The following VPS41 variants were observed in gnomAD, a reference collection of about 807,000 sequenced individuals.
The protein encoded by VPS41 is VPS41 subunit of HOPS complex.
In VPS41, 85 loss-of-function variants were observed where a neutral mutation model predicts 130.9. The ratio of observed to expected loss-of-function variants is 0.65; its 90% CI spans 0.55 to 0.78. The LOEUF (loss-of-function observed/expected upper bound fraction) is 0.78, where lower values mean the gene tolerates loss of function less well. Ranked by LOEUF, VPS41 falls within the 30% of genes least tolerant of loss-of-function variation. VPS41 has a pLI of 0.00. For missense variants in VPS41, 874 were observed against 1,018.7 expected, an observed-to-expected ratio of 0.86 and a Z score of 1.93; for synonymous variants, 335 against 332.9, an observed-to-expected ratio of 1.01 and a Z score of -0.07.
At chr7:38,788,230 A>G (rs757991559) in intron 10 of VPS41, among the ~76,000 whole-genome samples, 26 of 152,196 alleles carry the variant, frequency 1.7e-4, no homozygotes, top group Non-Finnish European at 2.8e-4. Flanking sequence ...TAACCTCATC[A>G]AGATCACACA....
intron 6 of VPS41, among the ~76,000 whole-genome samples, chr7:38,819,409 A>C (rs1397091935): frequency 6.7e-6 from 1 of 148,404 alleles, no homozygotes; most frequent in African/African-American, 2.5e-5. Flanking sequence ...GTCGGCAAAA[A>C]CCTTCCCAGG....
At chr7:38,804,104 C>T (rs1342408406) in intron 7 of VPS41, among the ~76,000 whole-genome samples, 1 of 152,164 alleles carries the variant, frequency 6.6e-6, no homozygotes, top group Non-Finnish European at 1.5e-5. Context: ...CACAAGGGTT[C>T]CTAGAGCCCA....
At chr7:38,895,130 T>C (rs1312396032) in intron 2 of VPS41, among the ~76,000 whole-genome samples, 1 of 152,160 alleles carries the variant, frequency 6.6e-6, no homozygotes, top group Non-Finnish European at 1.5e-5. Context: ...GACACCTGCT[T>C]GGCCAACATG....
At chr7:38,838,156 A>G (rs1458851144) in intron 4 of VPS41, among the ~76,000 whole-genome samples, 1 of 152,166 alleles carries the variant, frequency 6.6e-6, no homozygotes, top group Admixed American at 6.5e-5. Flanking sequence ...ATCCTATAAA[A>G]GAAACAAATG....
At chr7:38,835,634 T>C (rs569981381) in intron 4 of VPS41, among the ~76,000 whole-genome samples, 192 of 152,030 alleles carry the variant, frequency 1.3e-3, no homozygotes, top group African/African-American at 4.4e-3. Flanking sequence ...TTCAAAATAA[T>C]TCATATTCTC....
intron 24 of VPS41, 30 bp downstream of exon 24, chr7:38,743,371 AG>A (rs1795922234): frequency 6.2e-7 from 1 of 1,612,472 alleles, no homozygotes; most frequent in African/African-American, 1.3e-5. Context: ...GAGAAAAAAA[AG>A]TTATAACCAG....
chr7:38,760,121 G>T (rs1783881937), intron 17 of VPS41, among the ~76,000 whole-genome samples: 1 of 152,076 alleles, frequency 6.6e-6, no homozygotes, highest in South Asian at 2.1e-4. Flanking sequence ...CCAGTATCTT[G>T]CTCAGTCTCT....
At chr7:38,867,915 G>C (rs930195118) in intron 3 of VPS41, among the ~76,000 whole-genome samples, 4 of 152,098 alleles carry the variant, frequency 2.6e-5, no homozygotes, top group African/African-American at 9.7e-5. Context: ...GATAGAGTTA[G>C]GATAATCAAT....
chr7:38,757,115 T>A, intron 18 of VPS41, 133 bp from the exon 19 acceptor site: 1 of 698,908 alleles, frequency 1.4e-6, no homozygotes, highest in Non-Finnish European at 2.3e-6. Context: ...TTTCAAAAAA[T>A]ATTCCTATTT....
intron 2 of VPS41, among the ~76,000 whole-genome samples, chr7:38,872,332 T>C (rs923137891): frequency 6.6e-6 from 1 of 152,212 alleles, no homozygotes; most frequent in Non-Finnish European, 1.5e-5. Flanking sequence ...TCATATGGCC[T>C]CAGATGGAAC....
Position 38,723,527 on chromosome 7 carries a change from C to T in VPS41, c.*2719G>A, listed in dbSNP as rs562018812. ...ATTCCTGAGCTCAGGAGTTCGAGAC[C>T]AGCTTGGGCAACATGGTGAAACCTC... is the stretch of plus-strand genomic sequence containing the variant. On this transcript the variant is annotated 3_prime_UTR_variant, in exon 29 of 29. Coordinates refer to ENST00000310301, the MANE Select transcript of VPS41 (RefSeq NM_014396.4). 4 of 151,878 alleles carry T rather than the reference C, an allele frequency of 2.6e-5. No individual in the cohort carries two copies. Among genetic ancestry groups the T allele is most frequent in the Admixed American group, 6.6e-5 (1 of 15,248 alleles). The allele number at this position is 151,878 out of a possible 1,614,324, so 9.4% of individuals were successfully genotyped here. A position where few individuals can be genotyped will look rare whatever the true frequency, so the allele number is the denominator to read the frequency against.
At position 38,752,212 on chromosome 7, in the gene VPS41, G is replaced by C; in HGVS notation, c.1890C>G (p.Pro630=). The C allele has an allele frequency of 6.2e-7, 1 of 1,613,932 alleles. No individual in the cohort carries two copies. Among genetic ancestry groups the C allele is most frequent in the South Asian group, 1.1e-5 (1 of 91,074 alleles). The part of the protein sequence containing the change: ...YAEYDRPNLL[P]FLRDSTHCPL... Reference sequence around the variant, plus strand: ...GGCAATGGGTACTGTCTCGGAGAAAGGGAAGTAAGTTTGGTCGATCATATT... The same window carrying C: ...GGCAATGGGTACTGTCTCGGAGAAACGGAAGTAAGTTTGGTCGATCATATT... Residue 630 remains proline (P), a synonymous_variant, in exon 22 of 29, where the codon CCC becomes CCG. Coordinates refer to ENST00000310301, the MANE Select transcript of VPS41 (RefSeq NM_014396.4).
intron 25 of VPS41, among the ~76,000 whole-genome samples, chr7:38,729,328 C>T (rs964220975): frequency 6.6e-5 from 10 of 152,172 alleles, no homozygotes; most frequent in Non-Finnish European, 1.5e-4. Context: ...GATACAATCT[C>T]TGTCTTAAAT....
chr7:38,752,851 C>T (rs1171069864), intron 21 of VPS41, among the ~76,000 whole-genome samples: 1 of 152,204 alleles, frequency 6.6e-6, no homozygotes, highest in Non-Finnish European at 1.5e-5. Context: ...GCACTAAACT[C>T]ATTTCCATAC....
At chr7:38,831,054 C>G (rs377168402) in intron 4 of VPS41, among the ~76,000 whole-genome samples, 1 of 152,182 alleles carries the variant, frequency 6.6e-6, no homozygotes, top group South Asian at 2.1e-4. Flanking sequence ...TCTGGACTTC[C>G]GGCTGAGAAG....
At chr7:38,838,458 G>A (rs1785540865) in intron 4 of VPS41, among the ~76,000 whole-genome samples, 1 of 152,114 alleles carries the variant, frequency 6.6e-6, no homozygotes, top group Non-Finnish European at 1.5e-5. Flanking sequence ...AGAGATGAGA[G>A]AAAAGAAGAC....
chr7:38,820,929 G>A (rs907210215), intron 6 of VPS41, among the ~76,000 whole-genome samples: 1 of 151,366 alleles, frequency 6.6e-6, no homozygotes, highest in East Asian at 1.9e-4. Flanking sequence ...ACCACAGATC[G>A]TGTGTGTGTG....
chr7:38,819,599 G>T (rs542379491), intron 6 of VPS41, among the ~76,000 whole-genome samples: 1 of 152,160 alleles, frequency 6.6e-6, no homozygotes, highest in East Asian at 1.9e-4. Context: ...TCACCACATA[G>T]AATGCCCTTG....
At chr7:38,802,470 C>G (rs1272460721) in intron 7 of VPS41, among the ~76,000 whole-genome samples, 1 of 152,166 alleles carries the variant, frequency 6.6e-6, no homozygotes, top group Non-Finnish European at 1.5e-5. Flanking sequence ...TTCTATATCT[C>G]TGAAACTCTC....
Sources: gnomAD v4.1 joint callset for allele counts (sites outside exome capture counted in the v4.1 genomes callset) on GRCh38, gnomAD v4.1.1 for gene constraint, MANE v1.5 for transcripts, NCBI Gene and HGNC (gene_info 2026-07-23, HGNC 2026-07-21) for gene names.